FRMD4A: variants seen among roughly 807,000 people sequenced by gnomAD.
FRMD4A encodes FERM domain-containing protein 4A.
In FRMD4A, 29 loss-of-function variants were observed where a neutral mutation model predicts 129.1. That is an observed-to-expected ratio of 0.22 (90% confidence interval 0.17 to 0.31). The LOEUF (loss-of-function observed/expected upper bound fraction) is 0.31, where lower values mean the gene tolerates loss of function less well. FRMD4A is among the 10% of genes least tolerant of loss of function. FRMD4A has a pLI of 1.00. For missense variants in FRMD4A, 1,272 were observed against 1,375.8 expected, an observed-to-expected ratio of 0.92 and a Z score of 1.19; for synonymous variants, 634 against 571.6, an observed-to-expected ratio of 1.11 and a Z score of -1.56.
intron 2 of FRMD4A, among the ~76,000 whole-genome samples, chr10:14,229,889 A>C (rs1227407330): frequency 6.6e-6 from 1 of 152,212 alleles, no homozygotes; most frequent in East Asian, 1.9e-4. Context: ...TCCTCTCTAC[A>C]TGGGGTCATT....
chr10:14,260,315 A>G (rs1012075531), intron 2 of FRMD4A, among the ~76,000 whole-genome samples: 1 of 152,202 alleles, frequency 6.6e-6, no homozygotes, highest in African/African-American at 2.4e-5. Context: ...AAACTAGCAG[A>G]GTTTTAGTTC....
intron 2 of FRMD4A, among the ~76,000 whole-genome samples, chr10:14,094,336 A>G (rs1836825300): frequency 6.6e-6 from 1 of 152,240 alleles, no homozygotes; most frequent in Admixed American, 6.5e-5. Context: ...CATGGAAGGC[A>G]TCAAAACCGT....
chr10:14,067,545 G>C (rs1052009741), intron 2 of FRMD4A, among the ~76,000 whole-genome samples: 1 of 151,962 alleles, frequency 6.6e-6, no homozygotes, highest in Non-Finnish European at 1.5e-5. Context: ...GAGGCCGGGC[G>C]CAGTGGCTCA....
intron 2 of FRMD4A, among the ~76,000 whole-genome samples, chr10:14,121,894 A>C (rs1838543141): frequency 1.3e-5 from 2 of 152,172 alleles, no homozygotes; most frequent in African/African-American, 4.8e-5. Context: ...CCATTTTCTC[A>C]TTGGTTAAAT....
intron 2 of FRMD4A, among the ~76,000 whole-genome samples, chr10:14,308,023 G>C (rs888229990): frequency 1.3e-5 from 2 of 152,198 alleles, no homozygotes; most frequent in Admixed American, 6.5e-5. Context: ...TACATAGATA[G>C]AGTTTCTCCC....
chr10:14,129,182 T>A (rs1177852193), intron 2 of FRMD4A, among the ~76,000 whole-genome samples: 1 of 151,822 alleles, frequency 6.6e-6, no homozygotes, highest in East Asian at 1.9e-4. Context: ...CTAATCATTC[T>A]GTCTTTCCCC....
At chr10:14,033,614 A>C (rs1465638407) in intron 2 of FRMD4A, among the ~76,000 whole-genome samples, 1 of 151,692 alleles carries the variant, frequency 6.6e-6, no homozygotes, top group East Asian at 2.0e-4. Context: ...GCGAAACCCC[A>C]TCTCTACTAA....
chr10:14,200,773 C>T (rs1164129597), intron 2 of FRMD4A, among the ~76,000 whole-genome samples: 2 of 152,172 alleles, frequency 1.3e-5, no homozygotes, highest in African/African-American at 2.4e-5. Context: ...CCCTTCCAGG[C>T]GCTTTTTTCC....
intron 2 of FRMD4A, among the ~76,000 whole-genome samples, chr10:14,114,163 A>ATGGCTTGGGCTAGTTTCCTGC (rs1838078154): frequency 6.6e-6 from 1 of 152,252 alleles, no homozygotes; most frequent in East Asian, 1.9e-4. Context: ...TTCTGGGAAG[A>ATGGCTTGGGCTAGTTTCCTGC]TGGCTTGGGC....
intron 2 of FRMD4A, among the ~76,000 whole-genome samples, chr10:14,166,446 T>C (rs1841180995): frequency 6.6e-6 from 1 of 152,252 alleles, no homozygotes; most frequent in South Asian, 2.1e-4. Flanking sequence ...ACCATTTTTT[T>C]CCTGTTTGCC....
At chr10:13,849,640 C>T (rs971439320) in intron 3 of FRMD4A, among the ~76,000 whole-genome samples, 13 of 151,512 alleles carry the variant, frequency 8.6e-5, no homozygotes, top group Non-Finnish European at 1.6e-4. Flanking sequence ...CCACCATGCC[C>T]GGCTAATTTT....
At chr10:13,819,042 C>T (rs1222608523) in intron 3 of FRMD4A, among the ~76,000 whole-genome samples, 2 of 152,082 alleles carry the variant, frequency 1.3e-5, no homozygotes, top group Non-Finnish European at 1.5e-5. Flanking sequence ...GCACGAGAAT[C>T]GCTTGAACCT....
At chr10:14,042,712 C>G (rs1172982860) in intron 2 of FRMD4A, among the ~76,000 whole-genome samples, 1 of 151,828 alleles carries the variant, frequency 6.6e-6, no homozygotes. Flanking sequence ...CCTGTAATCC[C>G]AGCACTTTGG....
intron 2 of FRMD4A, among the ~76,000 whole-genome samples, chr10:14,005,045 C>A (rs2008422): frequency 0.19 from 29,206 of 150,256 alleles, 3,410 homozygotes; most frequent in East Asian, 0.45. Context: ...TTTTTTGAGA[C>A]CTGAGTCTTT....
At chr10:13,718,233 G>A (rs1187182705) in intron 12 of FRMD4A, among the ~76,000 whole-genome samples, 1 of 152,256 alleles carries the variant, frequency 6.6e-6, no homozygotes, top group Non-Finnish European at 1.5e-5. Context: ...AAGGTGCCAG[G>A]GAGTGAGGCG....
chr10:13,829,379 G>C (rs1263361975), intron 3 of FRMD4A, among the ~76,000 whole-genome samples: 2 of 152,046 alleles, frequency 1.3e-5, no homozygotes, highest in South Asian at 4.2e-4. Context: ...AAAAAAATTA[G>C]CTGGGTGTGG....
intron 2 of FRMD4A, among the ~76,000 whole-genome samples, chr10:14,073,066 C>T (rs1359753367): frequency 6.6e-6 from 1 of 152,142 alleles, no homozygotes; most frequent in Non-Finnish European, 1.5e-5. Flanking sequence ...GAAACAAAAA[C>T]AAGACATACA....
At chr10:13,784,765 G>GA (rs1301128901) in intron 5 of FRMD4A, among the ~76,000 whole-genome samples, 1 of 152,044 alleles carries the variant, frequency 6.6e-6, no homozygotes, top group Non-Finnish European at 1.5e-5. Context: ...GAGGTGGGGG[G>GA]AATCACCTGA....
At chr10:13,854,337 G>A (rs752242069) in intron 3 of FRMD4A, among the ~76,000 whole-genome samples, 1 of 152,054 alleles carries the variant, frequency 6.6e-6, no homozygotes, top group African/African-American at 2.4e-5. Flanking sequence ...AACATGCTCC[G>A]CCCCCCATAT....
Sources: gnomAD v4.1 joint callset for allele counts (sites outside exome capture counted in the v4.1 genomes callset) on GRCh38, gnomAD v4.1.1 for gene constraint, MANE v1.5 for transcripts, NCBI Gene and HGNC (gene_info 2026-07-23, HGNC 2026-07-21) for gene names.